The following CACNA1C variants were observed in gnomAD, a reference collection of about 807,000 sequenced individuals.
CACNA1C encodes calcium voltage-gated channel subunit alpha1 C, also known as voltage-dependent L-type calcium channel subunit alpha-1C.
CACNA1C carries 30 observed loss-of-function variants against 229.0 expected under a neutral mutation model. The ratio of observed to expected loss-of-function variants is 0.13; its 90% CI spans 0.10 to 0.18. The LOEUF (loss-of-function observed/expected upper bound fraction) is 0.18, where lower values mean the gene tolerates loss of function less well. CACNA1C is among the 10% of genes least tolerant of loss of function. The pLI, the probability that CACNA1C is intolerant of heterozygous loss-of-function variation, is 1.00. For missense variants in CACNA1C, 1,658 were observed against 2,845.0 expected, an observed-to-expected ratio of 0.58 and a Z score of 9.49; for synonymous variants, 1,114 against 1,132.5, an observed-to-expected ratio of 0.98 and a Z score of 0.33.
intron 1 of CACNA1C, among the ~76,000 whole-genome samples, chr12:2,007,532 T>C (rs2043676539): frequency 6.6e-6 from 1 of 152,264 alleles, no homozygotes; most frequent in Admixed American, 6.5e-5. Flanking sequence ...GTGCTGAAAT[T>C]ACATGGTCAT....
chr12:2,181,135 A>G lies in CACNA1C; in HGVS notation c.477+60705A>G, dbSNP rs2096828602. Among the ~76,000 whole-genome samples the G allele has an allele frequency of 6.6e-6, 1 of 152,170 alleles. No individual in the cohort carries two copies. Among genetic ancestry groups the G allele is most frequent in the Non-Finnish European group, 1.5e-5 (1 of 68,030 alleles). On this transcript the variant is annotated intron_variant, in intron 3 of 46. Coordinates refer to ENST00000399655, the MANE Select transcript of CACNA1C (RefSeq NM_000719.7). This position sits in a 1 kb window ranked among gnomAD's most constrained non-coding sequence, Gnocchi z 4.0. ...AAGACCCCTGTGTAAAGCATGTAGC[A>G]TAGTGCCTGTGGACAGGAGAGCCCA...
intron 1 of CACNA1C, among the ~76,000 whole-genome samples, chr12:2,093,512 C>T (rs910999918): frequency 2.0e-5 from 3 of 152,208 alleles, no homozygotes; most frequent in Admixed American, 6.5e-5. Context: ...TTTGTGCCTC[C>T]GTGTTCCACG....
chr12:2,273,675 A>G (rs1257923813), intron 3 of CACNA1C, among the ~76,000 whole-genome samples: 1 of 152,200 alleles, frequency 6.6e-6, no homozygotes, highest in Non-Finnish European at 1.5e-5. Context: ...GCTCAGATAG[A>G]CGGAGGGGTG....
In CACNA1C at chr12:2,135,489, T is replaced by G. The variant is rs1325442883; in HGVS notation, c.477+15059T>G. 1.5e-4 allele frequency among the ~76,000 whole-genome samples: 20 copies of G among 134,156 alleles called. 3 individuals are homozygous for G. The highest frequency in any genetic ancestry group is 2.5e-4 in the Non-Finnish European group (16 of 64,382). 88.0% of individuals were successfully genotyped at this position (134,156 alleles called of 152,430 possible). A position where few individuals can be genotyped will look rare whatever the true frequency, so the allele number is the denominator to read the frequency against. Reference sequence around the variant, plus strand: ...GTGATGTACAGATGGGTTTTTGGTGTGGATGTCCTTTCTGTTTGTTAGTTT... The same window carrying G: ...GTGATGTACAGATGGGTTTTTGGTGGGGATGTCCTTTCTGTTTGTTAGTTT... On this transcript the variant is annotated intron_variant, in intron 3 of 46. Transcript: ENST00000399655.
rs1471985707 is a variant in CACNA1C, at chr12:2,285,725, CTT to C, written c.478-163247_478-163246del. 6.6e-6 allele frequency among the ~76,000 whole-genome samples: 1 copy of C among 152,188 alleles called. No individual in the cohort carries two copies. Among genetic ancestry groups the C allele is most frequent in the African/African-American group, 2.4e-5 (1 of 41,446 alleles). ...GTTCTTATCTGACGGTATTTCTACT[CTT>C]TTTCTCAACCTGTTGCTAACGTGCT... On this transcript the variant is annotated intron_variant, in intron 3 of 46. Transcript: ENST00000399655. This position sits in a 1 kb window ranked among gnomAD's most constrained non-coding sequence, Gnocchi z 4.2.
At chr12:2,176,665 T>A (rs1214251443) in intron 3 of CACNA1C, among the ~76,000 whole-genome samples, 1 of 152,112 alleles carries the variant, frequency 6.6e-6, no homozygotes, top group Non-Finnish European at 1.5e-5. Context: ...TCCCGTCCTT[T>A]AAAATTCCTA....
At chr12:2,351,974 A>C (rs907609965) in intron 3 of CACNA1C, among the ~76,000 whole-genome samples, 1 of 152,216 alleles carries the variant, frequency 6.6e-6, no homozygotes, top group African/African-American at 2.4e-5. Flanking sequence ...CCCAGTGCAG[A>C]AGACCTTAGT....
intron 1 of CACNA1C, among the ~76,000 whole-genome samples, chr12:2,064,407 C>A (rs1344941896): frequency 6.6e-6 from 1 of 152,102 alleles, no homozygotes; most frequent in East Asian, 1.9e-4. Flanking sequence ...GTGGCTGGGC[C>A]GAGTCCTCCC....
At chr12:2,502,237 C>T (rs2099762116) in intron 7 of CACNA1C, among the ~76,000 whole-genome samples, 1 of 152,236 alleles carries the variant, frequency 6.6e-6, no homozygotes, top group African/African-American at 2.4e-5. Flanking sequence ...CAGCACAGTA[C>T]CTAGCACATA....
intron 3 of CACNA1C, among the ~76,000 whole-genome samples, chr12:2,180,196 C>T (rs1027249841): frequency 1.7e-4 from 26 of 152,246 alleles, no homozygotes; most frequent in Non-Finnish European, 2.8e-4. Context: ...CAAGTATAAA[C>T]ACATACCTAC....
In CACNA1C at chr12:2,630,939, A is replaced by G. The variant is rs192110603; in HGVS notation, c.3829-3358A>G. On this transcript the variant is annotated intron_variant, in intron 29 of 46. Transcript: ENST00000399655. This position sits in a 1 kb window ranked among gnomAD's most constrained non-coding sequence, Gnocchi z 5.4. ...GGAGCCATGGGAGGAGGGGGCTCCC[A>G]TGGTCAAGAAAGAGGGGGCTGTGCC... is the stretch of plus-strand genomic sequence containing the variant. Among the ~76,000 whole-genome samples, 530 of 152,252 alleles carry G rather than the reference A, an allele frequency of 3.5e-3. 5 individuals carry two copies. The highest frequency in any genetic ancestry group is 0.012 in the African/African-American group (500 of 41,552).
chr12:2,545,123 A>G (rs1599555073), intron 9 of CACNA1C, among the ~76,000 whole-genome samples: 1 of 151,978 alleles, frequency 6.6e-6, no homozygotes, highest in African/African-American at 2.4e-5. Context: ...GTTACACAAA[A>G]TCCACTTTTC....
chr12:2,295,388 C>A (rs1251714163), intron 3 of CACNA1C, among the ~76,000 whole-genome samples: 1 of 152,194 alleles, frequency 6.6e-6, no homozygotes, highest in African/African-American at 2.4e-5. Flanking sequence ...CCTTCTGCAA[C>A]CCCATGCCTC....
At chr12:2,274,307 G>A (rs1043884257) in intron 3 of CACNA1C, among the ~76,000 whole-genome samples, 1 of 152,162 alleles carries the variant, frequency 6.6e-6, no homozygotes, top group Non-Finnish European at 1.5e-5. Flanking sequence ...TGCTTCCTTC[G>A]TTCAGCTCCA....
chr12:2,207,233 T>C (rs1217322298), intron 3 of CACNA1C, among the ~76,000 whole-genome samples: 1 of 152,206 alleles, frequency 6.6e-6, no homozygotes, highest in Non-Finnish European at 1.5e-5. Context: ...ACCTGGACTC[T>C]TCCCTTCCCT....
At chr12:2,636,324 C>T (rs558129794) in intron 30 of CACNA1C, among the ~76,000 whole-genome samples, 8 of 152,268 alleles carry the variant, frequency 5.3e-5, no homozygotes, top group Admixed American at 1.3e-4. Context: ...AAGGCCCCAT[C>T]GCTCAGTCTG....
chr12:2,592,691 G>A (rs1287681580), intron 18 of CACNA1C, among the ~76,000 whole-genome samples: 6 of 143,770 alleles, frequency 4.2e-5, no homozygotes, highest in African/African-American at 1.0e-4. Flanking sequence ...CTGTTATCTC[G>A]ACAGCACATG....
intron 13 of CACNA1C, among the ~76,000 whole-genome samples, chr12:2,580,055 G>A (rs556345155): frequency 2.6e-5 from 4 of 152,288 alleles, no homozygotes; most frequent in African/African-American, 7.2e-5. Flanking sequence ...CACACATACT[G>A]GGTTGTACAG....
At chr12:2,611,042 G>C (rs967651805) in intron 28 of CACNA1C, among the ~76,000 whole-genome samples, 3 of 151,172 alleles carry the variant, frequency 2.0e-5, no homozygotes, top group African/African-American at 7.3e-5. Flanking sequence ...AATGGAGAGA[G>C]GGGAGGAGAT....
Sources: gnomAD v4.1 joint callset for allele counts (sites outside exome capture counted in the v4.1 genomes callset) on GRCh38, gnomAD v4.1.1 for gene constraint, Gnocchi (gnomAD v3.1) non-coding constraint, MANE v1.5 for transcripts, NCBI Gene and HGNC (gene_info 2026-07-23, HGNC 2026-07-21) for gene names.